PHACTR4: variants seen among roughly 807,000 people sequenced by gnomAD.
The protein encoded by PHACTR4 is phosphatase and actin regulator 4, also known as protein phosphatase 1, regulatory subunit 124.
In PHACTR4, 51 loss-of-function variants were observed where a neutral mutation model predicts 72.7. The ratio of observed to expected loss-of-function variants is 0.70; its 90% CI spans 0.56 to 0.89. PHACTR4 has a LOEUF of 0.89. PHACTR4 is among the 40% of genes least tolerant of loss of function. PHACTR4 has a pLI of 0.00. For missense variants in PHACTR4, 731 were observed against 861.8 expected (o/e 0.85, Z 1.90); for synonymous variants, 255 against 302.5 (o/e 0.84, Z 1.63).
At chr1:28,437,405 T>A (rs1656701493) in intron 2 of PHACTR4, among the ~76,000 whole-genome samples, 1 of 152,118 alleles carries the variant, frequency 6.6e-6, no homozygotes, top group East Asian at 1.9e-4. Flanking sequence ...AATTTTTAAA[T>A]TTTTTATAGA....
At chr1:28,386,036 A>G (rs1652538159) in intron 1 of PHACTR4, among the ~76,000 whole-genome samples, 1 of 152,128 alleles carries the variant, frequency 6.6e-6, no homozygotes, top group Non-Finnish European at 1.5e-5. Flanking sequence ...CGATTATGCA[A>G]CCAATTTTAG....
chr1:28,484,546 ATGTG>A (rs1386350566), intron 9 of PHACTR4, among the ~76,000 whole-genome samples: 1 of 151,188 alleles, frequency 6.6e-6, no homozygotes, highest in Non-Finnish European at 1.5e-5. Flanking sequence ...GTGTATATAT[ATGTG>A]TGTATGTAAT....
chr1:28,406,582 C>T (rs545572867), intron 1 of PHACTR4, among the ~76,000 whole-genome samples: 1 of 152,290 alleles, frequency 6.6e-6, no homozygotes, highest in Admixed American at 6.5e-5. Context: ...CCACTGCGCC[C>T]GGCCCTACAA....
At chr1:28,457,023 A>G (rs991681372) in intron 2 of PHACTR4, among the ~76,000 whole-genome samples, 5 of 152,204 alleles carry the variant, frequency 3.3e-5, no homozygotes, top group African/African-American at 1.2e-4. Flanking sequence ...AAGTCATGCA[A>G]CTAGGAAGAG....
intron 2 of PHACTR4, among the ~76,000 whole-genome samples, chr1:28,416,527 G>A (rs922446776): frequency 2.6e-5 from 4 of 152,088 alleles, no homozygotes; most frequent in African/African-American, 7.2e-5. Flanking sequence ...AAGATGAGCT[G>A]TAGTAGTAGT....
At chr1:28,484,895 G>A (rs993260268) in intron 9 of PHACTR4, among the ~76,000 whole-genome samples, 3 of 152,100 alleles carry the variant, frequency 2.0e-5, no homozygotes, top group Non-Finnish European at 4.4e-5. Flanking sequence ...GAACCCAGGG[G>A]ACAGAGGTTG....
intron 2 of PHACTR4, among the ~76,000 whole-genome samples, chr1:28,430,008 A>G (rs922875711): frequency 6.7e-6 from 1 of 149,786 alleles, no homozygotes; most frequent in Non-Finnish European, 1.5e-5. Context: ...CATCCCTCCT[A>G]TGGCTGACTC....
At chr1:28,423,133 C>T (rs1655614822) in intron 2 of PHACTR4, among the ~76,000 whole-genome samples, 1 of 149,646 alleles carries the variant, frequency 6.7e-6, no homozygotes, top group African/African-American at 2.4e-5. Flanking sequence ...ATAGATAGGG[C>T]TGGGCATGGC....
In PHACTR4 at chr1:28,448,388, AAAAGAAAAG is replaced by A. The variant is rs1191630454; in HGVS notation, c.17-10693_17-10685del. 4.0e-5 allele frequency among the ~76,000 whole-genome samples: 6 copies of A among 149,908 alleles called. No individual in the cohort carries two copies. In the South Asian group the frequency reaches 1.0e-3, roughly 26 times the overall value. ...ACAGAGCAAGACTTTGTTTCAAAAA[AAAAGAAAAG>A]AAAAGAAAGGAAAGGAAAGGGGAAA... On this transcript the variant is annotated intron_variant, in intron 2 of 13. Coordinates refer to ENST00000373839, the MANE Select transcript of PHACTR4 (RefSeq NM_001048183.3).
chr1:28,496,598 C>T lies in PHACTR4; in HGVS notation c.*49C>T. On this transcript the variant is annotated 3_prime_UTR_variant, in exon 14 of 14. Transcript: ENST00000373839. ...AACATGGCTGCTTTGCTGCTTCCTT[C>T]TCCAAAGTGACATATGGAGGGAACT... 1 of 1,607,636 alleles carries T rather than the reference C, an allele frequency of 6.2e-7. No individual in the cohort carries two copies. Among genetic ancestry groups the T allele is most frequent in the Non-Finnish European group, 8.5e-7 (1 of 1,175,288 alleles).
intron 1 of PHACTR4, among the ~76,000 whole-genome samples, chr1:28,379,311 A>C (rs146172411): frequency 0.022 from 3,267 of 147,896 alleles, 137 homozygotes; most frequent in African/African-American, 0.078. Context: ...TCTGTCACCC[A>C]GGCTGGAGTG....
At chr1:28,463,740 T>A (rs1034156393) in intron 4 of PHACTR4, among the ~76,000 whole-genome samples, 21 of 152,172 alleles carry the variant, frequency 1.4e-4, no homozygotes, top group Non-Finnish European at 1.5e-5. Flanking sequence ...TATTGGAACT[T>A]CATGAAGAAT....
intron 2 of PHACTR4, among the ~76,000 whole-genome samples, chr1:28,415,842 A>G (rs1312745253): frequency 3.3e-5 from 5 of 152,256 alleles, no homozygotes; most frequent in Admixed American, 3.3e-4. Flanking sequence ...TATAGGAAAT[A>G]GGAGAAGTAG....
rs117248069 is a variant in PHACTR4, at chr1:28,403,417, G to A, written c.-38-3993G>A. ...TTCCTTGAGTCAACTCTTCATATCT[G>A]AGGCACTCCCTGAAAGGATTGACAG... On this transcript the variant is annotated intron_variant, in intron 1 of 13. Transcript: ENST00000373839. Among the ~76,000 whole-genome samples the A allele has an allele frequency of 8.5e-5, 13 of 152,198 alleles. No homozygotes were observed. In the East Asian group the frequency reaches 2.5e-3, roughly 29 times the overall value.
intron 2 of PHACTR4, among the ~76,000 whole-genome samples, chr1:28,414,462 C>T (rs968444205): frequency 3.9e-4 from 58 of 149,846 alleles, no homozygotes; most frequent in African/African-American, 1.3e-3. Context: ...ACCGCAGCCT[C>T]GACCTCCTGA....
intron 8 of PHACTR4, 152 bp from the exon 9 acceptor site, chr1:28,480,299 C>A: frequency 1.2e-6 from 1 of 824,262 alleles, no homozygotes; most frequent in Non-Finnish European, 1.8e-6. Flanking sequence ...TAGCTTTACC[C>A]CCACCTCAGT....
intron 2 of PHACTR4, among the ~76,000 whole-genome samples, chr1:28,422,276 GA>G (rs1053759999): frequency 1.3e-5 from 2 of 151,982 alleles, no homozygotes; most frequent in African/African-American, 4.8e-5. Context: ...AATGCTTGGG[GA>G]AAAAATAATA....
chr1:28,483,753 C>T (rs1266947704), intron 9 of PHACTR4, among the ~76,000 whole-genome samples: 7 of 136,848 alleles, frequency 5.1e-5, no homozygotes, highest in Admixed American at 2.4e-4. Flanking sequence ...GAGCTGACAT[C>T]GTGCCACTGC....
At chr1:28,493,117 T>C in intron 13 of PHACTR4, 26 bp downstream of exon 13, 1 of 1,592,038 alleles carries the variant, frequency 6.3e-7, no homozygotes, top group African/African-American at 1.3e-5. Context: ...CCCAATCATA[T>C]ATGTGCTAGG....
Sources: allele counts gnomAD v4.1 joint callset (sites outside exome capture counted in the v4.1 genomes callset), GRCh38; gene constraint gnomAD v4.1.1; transcripts MANE v1.5; gene names NCBI Gene and HGNC (gene_info 2026-07-23, HGNC 2026-07-21).